The following CTSC variants were observed in gnomAD, a reference collection of about 807,000 sequenced individuals.
CTSC encodes the protein cathepsin C.
A neutral mutation model predicts 40.9 loss-of-function variants in CTSC; 37 were observed. The observed-to-expected ratio is 0.91, with a 90% CI of 0.70 to 1.19. The LOEUF (loss-of-function observed/expected upper bound fraction) is 1.19. Ranked by LOEUF, CTSC falls within the 50% of genes most tolerant of loss-of-function variation. The pLI is 0.00. For missense variants in CTSC, 594 were observed against 567.3 expected, an observed-to-expected ratio of 1.05 and a Z score of -0.48; for synonymous variants, 232 against 207.4, an observed-to-expected ratio of 1.12 and a Z score of -1.02.
intron 2 of CTSC, among the ~76,000 whole-genome samples, chr11:88,314,069 T>C (rs543189016): frequency 6.6e-6 from 1 of 152,290 alleles, no homozygotes; most frequent in South Asian, 2.1e-4. Context: ...AGGTTGTAGT[T>C]TGTGGACTCC....
chr11:88,333,759 A>G (rs1938421915), intron 2 of CTSC, among the ~76,000 whole-genome samples: 1 of 152,238 alleles, frequency 6.6e-6, no homozygotes, highest in African/African-American at 2.4e-5. Context: ...CTGGTTAAGC[A>G]TGGGTTTCCA....
At chr11:88,332,527 T>G (rs1239843286) in intron 2 of CTSC, among the ~76,000 whole-genome samples, 4 of 152,224 alleles carry the variant, frequency 2.6e-5, no homozygotes, top group African/African-American at 9.6e-5. Context: ...AAACTCTGTT[T>G]CCCATCACTC....
intron 4 of CTSC, among the ~76,000 whole-genome samples, chr11:88,301,295 C>T (rs2134772225): frequency 6.6e-6 from 1 of 152,314 alleles, no homozygotes; most frequent in Middle Eastern, 3.4e-3. Context: ...TCCATTAACA[C>T]AAGGCCTATA....
At chr11:88,318,415 T>C (rs1937925164) in intron 2 of CTSC, among the ~76,000 whole-genome samples, 1 of 152,316 alleles carries the variant, frequency 6.6e-6, no homozygotes, top group Non-Finnish European at 1.5e-5. Flanking sequence ...TAAAAAGTTA[T>C]ACAACATTAA....
At chr11:88,304,079 T>C (rs1381731020) in intron 4 of CTSC, among the ~76,000 whole-genome samples, 3 of 151,882 alleles carry the variant, frequency 2.0e-5, no homozygotes, top group African/African-American at 7.3e-5. Context: ...CCTAAGAATA[T>C]ACTAATATAA....
chr11:88,326,371 T>C (rs750474814), intron 2 of CTSC: 7 of 1,613,950 alleles, frequency 4.3e-6, no homozygotes, highest in Non-Finnish European at 5.1e-6. Context: ...CAGGCTGCTC[T>C]GTCTCTTAGC....
chr11:88,299,176 T>C (rs1944330834), intron 5 of CTSC: 1 of 152,184 alleles, frequency 6.6e-6, no homozygotes, highest in Non-Finnish European at 1.5e-5. Flanking sequence ...ATGCCAATGC[T>C]ATCATGTGCC....
chr11:88,314,202 C>A (rs909679979), intron 2 of CTSC, among the ~76,000 whole-genome samples: 2 of 152,130 alleles, frequency 1.3e-5, no homozygotes, highest in Admixed American at 6.6e-5. Flanking sequence ...ACTACTCAAC[C>A]TAAAAGGTGC....
intron 2 of CTSC, among the ~76,000 whole-genome samples, chr11:88,329,938 G>A (rs1938305276): frequency 1.3e-5 from 2 of 152,168 alleles, no homozygotes; most frequent in Admixed American, 6.5e-5. Flanking sequence ...CGTTGGCCAC[G>A]CTAGTCTCCA....
chr11:88,309,160 T>A lies in CTSC; in HGVS notation c.641+3A>T. 1 of 1,613,482 alleles carries A rather than the reference T, an allele frequency of 6.2e-7. No individual in the cohort carries two copies. The highest frequency in any genetic ancestry group is 1.1e-5 in the South Asian group (1 of 91,056). ...ATTAATGATAAAATGTGTGCTTGATTACCTTGGGATTTTTCGACTGTGGCC... is the reference window on the plus strand; with the variant it reads ...ATTAATGATAAAATGTGTGCTTGATAACCTTGGGATTTTTCGACTGTGGCC... On this transcript the variant is annotated splice_donor_region_variant and intron_variant, in intron 4 of 6. Coordinates refer to ENST00000227266, the MANE Select transcript of CTSC (RefSeq NM_001814.6).
chr11:88,332,077 T>C (rs1938375968), intron 2 of CTSC, among the ~76,000 whole-genome samples: 2 of 152,208 alleles, frequency 1.3e-5, no homozygotes, highest in Non-Finnish European at 2.9e-5. Context: ...AAGCAAGTTG[T>C]AGGGTTCCAG....
At chr11:88,330,945 G>A (rs767232866) in intron 2 of CTSC, among the ~76,000 whole-genome samples, 3 of 152,174 alleles carry the variant, frequency 2.0e-5, no homozygotes, top group Non-Finnish European at 4.4e-5. Flanking sequence ...ATTCCGAAGT[G>A]GAATGCCGAG....
In CTSC at chr11:88,301,827, C is replaced by CAG. The variant is rs1305260504; in HGVS notation, c.642-1183_642-1182insCT. On this transcript the variant is annotated intron_variant, in intron 4 of 6. Transcript: ENST00000227266. ...ACACGCGCGCACACACACACACACA[C>CAG]ACACACACAGAGAGAGAACCACAGC... Among the ~76,000 whole-genome samples the CAG allele has an allele frequency of 4.0e-5, 6 of 151,854 alleles. 1 individual carries two copies. The South Asian group carries it at 1.3e-3, about 32-fold the overall frequency.
chr11:88,317,775 A>C (rs1937912677), intron 2 of CTSC, among the ~76,000 whole-genome samples: 1 of 152,238 alleles, frequency 6.6e-6, no homozygotes, highest in Non-Finnish European at 1.5e-5. Context: ...TCAGTCTCTG[A>C]AGACTGCCTT....
intron 5 of CTSC, chr11:88,298,862 A>T (rs1248985406): frequency 6.6e-6 from 1 of 152,166 alleles, no homozygotes; most frequent in East Asian, 1.9e-4. Context: ...AGAAAGTCGA[A>T]TTTCCTTTCC....
At chr11:88,307,158 G>A (rs681399) in intron 4 of CTSC, among the ~76,000 whole-genome samples, 16,999 of 151,920 alleles carry the variant, frequency 0.11, 1,233 homozygotes, top group East Asian at 0.22. Flanking sequence ...ACAGATATTA[G>A]AGGATTAAAC....
chr11:88,303,573 A>C (rs1303564125), intron 4 of CTSC, among the ~76,000 whole-genome samples: 1 of 152,228 alleles, frequency 6.6e-6, no homozygotes, highest in Non-Finnish European at 1.5e-5. Context: ...GAAGGGGCAC[A>C]CAGCTTCCAT....
chr11:88,324,268 G>A, intron 2 of CTSC: 3 of 552,080 alleles, frequency 5.4e-6, no homozygotes, highest in Non-Finnish European at 6.9e-6. Context: ...ATGGATTAAA[G>A]ACTTAAATGT....
intron 2 of CTSC, among the ~76,000 whole-genome samples, chr11:88,327,688 G>A (rs1475244505): frequency 6.6e-6 from 1 of 152,208 alleles, no homozygotes; most frequent in Admixed American, 6.5e-5. Context: ...CTCTGTGGAA[G>A]ACAGATCTAA....
Sources: allele counts gnomAD v4.1 joint callset (sites outside exome capture counted in the v4.1 genomes callset), GRCh38; gene constraint gnomAD v4.1.1; transcripts MANE v1.5; gene names NCBI Gene and HGNC (gene_info 2026-07-23, HGNC 2026-07-21).